The following DDX50 variants were observed in gnomAD, a reference collection of about 807,000 sequenced individuals.
DDX50 encodes the protein DExD-box helicase 50, also known as ATP-dependent RNA helicase DDX50.
In DDX50, 56 loss-of-function variants were observed where a neutral mutation model predicts 94.8. The observed-to-expected ratio is 0.59, with a 90% confidence interval of 0.48 to 0.74. The LOEUF is 0.74. Among genes scored for constraint, DDX50 ranks in the 30% least tolerant of loss-of-function variants. The pLI is 0.00. For missense variants in DDX50, 713 were observed against 881.2 expected (o/e 0.81, Z 2.42); for synonymous variants, 264 against 295.4 (o/e 0.89, Z 1.09).
At chr10:68,907,212 C>T (rs541455422) in intron 2 of DDX50, among the ~76,000 whole-genome samples, 5 of 151,482 alleles carry the variant, frequency 3.3e-5, no homozygotes, top group Admixed American at 1.3e-4. Flanking sequence ...TTTCTTGGGG[C>T]GAGGTGGGAG....
At chr10:68,929,813 G>A (rs1018071408) in intron 8 of DDX50, among the ~76,000 whole-genome samples, 4 of 145,110 alleles carry the variant, frequency 2.8e-5, no homozygotes, top group East Asian at 4.1e-4. Flanking sequence ...TGAAACCTCC[G>A]TCCTCTGCCC....
Position 68,901,409 on chromosome 10 carries a change from G to C in DDX50, c.25G>C (p.Asp9His), listed in dbSNP as rs1266508712. 1 of 1,569,378 alleles carries C rather than the reference G, an allele frequency of 6.4e-7. No individual in the cohort carries two copies. Among genetic ancestry groups the C allele is most frequent in the Non-Finnish European group, 8.6e-7 (1 of 1,157,888 alleles). The change falls in exon 1 of 15, where the codon GAC becomes CAC. Residue 9 changes from aspartate to histidine, a missense_variant. Physicochemically the swap from Asp to His is moderately conservative, Grantham distance 81 (BLOSUM62 -1). Around this residue, in one of 2 missense-constraint regions of DDX50, gnomAD observed 285 missense variants for 278.9 expected, o/e 1.02. Transcript: ENST00000373585. Reference sequence around the variant, plus strand: ...AATGCCTGGGAAACTCCTCTGGGGGGACATTATGGAGCTGGAAGCACCCTT... The same window carrying C: ...AATGCCTGGGAAACTCCTCTGGGGGCACATTATGGAGCTGGAAGCACCCTT... MPGKLLWG[D>H]IMELEAPLEE...
chr10:68,918,116 C>T (rs1016122147), intron 7 of DDX50, among the ~76,000 whole-genome samples: 1 of 151,482 alleles, frequency 6.6e-6, no homozygotes, highest in South Asian at 2.1e-4. Flanking sequence ...GTAGAGATGG[C>T]GTTTCACCAC....
chr10:68,902,554 A>G (rs941442318), intron 1 of DDX50, among the ~76,000 whole-genome samples: 2 of 152,212 alleles, frequency 1.3e-5, no homozygotes, highest in African/African-American at 4.8e-5. Context: ...AGCTGTCACC[A>G]TCATCCATCT....
At chr10:68,903,336 A>C (rs2132017220) in intron 1 of DDX50, among the ~76,000 whole-genome samples, 1 of 151,912 alleles carries the variant, frequency 6.6e-6, no homozygotes, top group Admixed American at 6.6e-5. Context: ...GTTCAAGACC[A>C]GCCTGGCCAA....
chr10:68,914,312 C>T, intron 7 of DDX50, 108 bp downstream of exon 7: 1 of 1,169,508 alleles, frequency 8.6e-7, no homozygotes, highest in Non-Finnish European at 1.2e-6. Flanking sequence ...CCTAATCTTC[C>T]TTTTCTGCTC....
intron 7 of DDX50, among the ~76,000 whole-genome samples, chr10:68,918,428 C>CTTTTTTTT (rs34777951): frequency 3.5e-5 from 2 of 57,032 alleles, no homozygotes; most frequent in Non-Finnish European, 6.2e-5. Context: ...CCATTCCCTC[C>CTTTTTTTT]TTTTTTTTTT....
intron 7 of DDX50, among the ~76,000 whole-genome samples, chr10:68,915,967 T>G (rs1841777655): frequency 6.6e-6 from 1 of 152,164 alleles, no homozygotes; most frequent in South Asian, 2.1e-4. Flanking sequence ...GCTAAATGGA[T>G]TCCTTAGGCA....
intron 8 of DDX50, among the ~76,000 whole-genome samples, chr10:68,930,300 T>A (rs1842227487): frequency 1.3e-5 from 2 of 151,800 alleles, no homozygotes; most frequent in Non-Finnish European, 2.9e-5. Flanking sequence ...GTATTTTTAG[T>A]AGAGACGGGG....
chr10:68,923,145 G>A (rs12775696), intron 8 of DDX50, among the ~76,000 whole-genome samples: 15,390 of 140,762 alleles, frequency 0.11, 1,149 homozygotes, highest in Admixed American at 0.16. Flanking sequence ...CTGTTTGTGT[G>A]TGTGTATATA....
At chr10:68,936,847 A>T (rs1439206277) in intron 11 of DDX50, 89 bp from the exon 12 acceptor site, 11 of 1,397,350 alleles carry the variant, frequency 7.9e-6, no homozygotes, top group Non-Finnish European at 1.1e-5. Flanking sequence ...TCTCAAAAAA[A>T]AAAAATTACT....
intron 8 of DDX50, among the ~76,000 whole-genome samples, chr10:68,920,337 G>A (rs539552618): frequency 3.9e-5 from 6 of 151,944 alleles, no homozygotes; most frequent in African/African-American, 7.3e-5. Context: ...CATTTTTTGC[G>A]TATTTTGTAG....
intron 8 of DDX50, among the ~76,000 whole-genome samples, chr10:68,931,392 A>AATATAT (rs1554836674): frequency 1.2e-4 from 10 of 85,756 alleles, no homozygotes; most frequent in East Asian, 4.3e-4. Flanking sequence ...TAAAAAAAAA[A>AATATAT]ATATATATAT....
At chr10:68,927,803 T>TA (rs1842130107) in intron 8 of DDX50, among the ~76,000 whole-genome samples, 1 of 152,178 alleles carries the variant, frequency 6.6e-6, no homozygotes, top group South Asian at 2.1e-4. Context: ...AAGGGAGTCT[T>TA]ATGCATGAAT....
intron 7 of DDX50, among the ~76,000 whole-genome samples, chr10:68,915,785 G>A (rs777249295): frequency 6.6e-6 from 1 of 152,016 alleles, no homozygotes; most frequent in Non-Finnish European, 1.5e-5. Context: ...TAGGTAACAT[G>A]TCATCTTTCT....
chr10:68,939,026 G>T (rs1842493485), intron 12 of DDX50, among the ~76,000 whole-genome samples: 1 of 152,110 alleles, frequency 6.6e-6, no homozygotes, highest in African/African-American at 2.4e-5. Context: ...ATCAAAGCTT[G>T]ACTTTTATAT....
At chr10:68,903,004 A>C (rs574799914) in intron 1 of DDX50, among the ~76,000 whole-genome samples, 21 of 152,348 alleles carry the variant, frequency 1.4e-4, no homozygotes, top group Admixed American at 9.1e-4. Flanking sequence ...TGGCTTTCAC[A>C]TTGTAAATTC....
intron 11 of DDX50, among the ~76,000 whole-genome samples, chr10:68,936,503 AAAAAAAAAAAAAATAT>A (rs1209645322): frequency 2.6e-4 from 12 of 47,042 alleles, no homozygotes; most frequent in African/African-American, 5.2e-4. Context: ...AAAAAAAAAA[AAAAAAAAAAAAAATAT>A]ATATATATAT....
rs368906298 is a variant in DDX50, at chr10:68,913,452, T to C, written c.819T>C (p.His273=). ...GAACACCTGGTCGTATCAAAGACCA[T>C]CTGCAGAGTGGCCGATTGGATCTTT... The part of the protein sequence containing the change: ...LVGTPGRIKD[H]LQSGRLDLSK... The change falls in exon 6 of 15, where the codon CAT becomes CAC. Residue 273 remains histidine, a synonymous_variant. Coordinates refer to ENST00000373585, the MANE Select transcript of DDX50 (RefSeq NM_024045.2). 1 of 1,614,178 alleles carries C rather than the reference T, an allele frequency of 6.2e-7. No individual in the cohort carries two copies. The highest frequency in any genetic ancestry group is 8.5e-7 in the Non-Finnish European group (1 of 1,180,016).
Sources: allele counts gnomAD v4.1 joint callset (sites outside exome capture counted in the v4.1 genomes callset), GRCh38; gene constraint gnomAD v4.1.1; regional missense constraint gnomAD v4.1.1; transcripts MANE v1.5; gene names NCBI Gene and HGNC (gene_info 2026-07-23, HGNC 2026-07-21).